ACAD10: variants seen among roughly 807,000 people sequenced by gnomAD.
ACAD10 encodes the protein acyl-CoA dehydrogenase family member 10, also known as ACAD-10.
Under a neutral mutation model 116.8 loss-of-function variants are expected in ACAD10, and 112 were observed. That is an observed-to-expected ratio of 0.96 (90% CI 0.82 to 1.12). The LOEUF (loss-of-function observed/expected upper bound fraction) is 1.12, where lower values mean the gene tolerates loss of function less well. ACAD10 is among the 50% of genes most tolerant of loss of function. The pLI is 0.00. For missense variants in ACAD10, 1,259 were observed against 1,350.2 expected (o/e 0.93, Z 1.06); for synonymous variants, 486 against 510.6 (o/e 0.95, Z 0.65).
chr12:111,756,439 C>T lies in ACAD10; in HGVS notation c.3146C>T (p.Thr1049Met), dbSNP rs149884150. ...ADGPDEVHRA[T>M]VAKLELKHRI ...GGCCCTGACGAGGTGCACCGGGCCA[C>T]GGTGGCCAAGCTAGAGCTGAAGCAC... Residue 1049 changes from threonine (T) to methionine (M), a missense_variant, in exon 21 of 21, where the codon ACG (threonine) becomes ATG (methionine). Coordinates refer to ENST00000313698, the MANE Select transcript of ACAD10 (RefSeq NM_025247.6). 201 of 1,612,664 alleles carry T rather than the reference C, an allele frequency of 1.2e-4. 1 individual carries two copies. In the African/African-American group the frequency reaches 1.5e-3, roughly 12 times the overall value.
At chr12:111,754,818 C>T (rs1890163875) in intron 19 of ACAD10, among the ~76,000 whole-genome samples, 1 of 152,242 alleles carries the variant, frequency 6.6e-6, no homozygotes, top group African/African-American at 2.4e-5. Flanking sequence ...CAGGACCCTC[C>T]CCTTATCCCT....
intron 17 of ACAD10, 103 bp downstream of exon 17, chr12:111,748,578 C>T (rs1889983588): frequency 1.9e-5 from 24 of 1,291,628 alleles, no homozygotes; most frequent in Non-Finnish European, 2.5e-5. Flanking sequence ...CATCCCACGT[C>T]TGAGGGTATG....
At chr12:111,688,796 C>T (rs1302679928) in intron 1 of ACAD10, among the ~76,000 whole-genome samples, 3 of 151,036 alleles carry the variant, frequency 2.0e-5, no homozygotes, top group Non-Finnish European at 4.4e-5. Context: ...AGCAAGACTC[C>T]GTCTCAAAAC....
chr12:111,692,230 A>G (rs1888068441), intron 1 of ACAD10, among the ~76,000 whole-genome samples: 1 of 152,312 alleles, frequency 6.6e-6, no homozygotes, highest in East Asian at 1.9e-4. Context: ...GGCCTCCCAT[A>G]GTGGTGGGAT....
rs552323479 is a variant in ACAD10 at position 111,750,396 on chromosome 12, C to T, written c.2817+1051C>T. ...CAGCCTCCCAATGTGCTGGGATTAC[C>T]GGCGTGAGCCACCGTGCCTGGCCAA... On this transcript the variant is annotated intron_variant, in intron 18 of 20. Transcript: ENST00000313698. Among the ~76,000 whole-genome samples the T allele has an allele frequency of 1.2e-4, 18 of 149,142 alleles. 1 individual carries two copies. In the East Asian group the frequency reaches 1.8e-3, roughly 15 times the overall value.
chr12:111,706,070 G>A, intron 4 of ACAD10, 138 bp downstream of exon 4: 1 of 865,968 alleles, frequency 1.2e-6, no homozygotes. Flanking sequence ...AGGTTTAAAT[G>A]CAATATGTTG....
intron 5 of ACAD10, 134 bp downstream of exon 5, chr12:111,709,818 G>C: frequency 9.5e-7 from 1 of 1,048,752 alleles, no homozygotes; most frequent in Non-Finnish European, 1.3e-6. Context: ...ATCTTATTTT[G>C]TGTTAATTAT....
Position 111,729,863 on chromosome 12 carries a change from C to G in ACAD10, c.1301C>G (p.Thr434Ser). The change falls in exon 10 of 21, where the codon ACT (threonine) becomes AGT (serine). Residue 434 changes from threonine (T) to serine (S), a missense_variant. Coordinates refer to ENST00000313698, the MANE Select transcript of ACAD10 (RefSeq NM_025247.6). ...GTTAAGCAGTATCGAGCTTCCGAAA[C>G]TAGCACCATCCCAGCCATGGAGAGG... Reference protein sequence around the residue: ...TWVKQYRASETSTIPAMERLI... With the variant: ...TWVKQYRASESSTIPAMERLI... 1 of 1,614,156 alleles carries G rather than the reference C, an allele frequency of 6.2e-7. No individual in the cohort carries two copies. Among genetic ancestry groups the G allele is most frequent in the Non-Finnish European group, 8.5e-7 (1 of 1,180,028 alleles).
At chr12:111,721,901 T>C (rs2135965919) in intron 8 of ACAD10, 162 bp downstream of exon 8, 1 of 484,208 alleles carries the variant, frequency 2.1e-6, no homozygotes, top group East Asian at 3.1e-5. Context: ...ATTTAAGTTA[T>C]CCTGCAAGAT....
intron 18 of ACAD10, chr12:111,753,252 C>A (rs1177023390): frequency 3.3e-6 from 1 of 300,336 alleles, no homozygotes; most frequent in Non-Finnish European, 6.6e-6. Context: ...TTAAAATCCC[C>A]CTTGCAGATA....
At chr12:111,718,848 T>C (rs1196343669) in intron 7 of ACAD10, among the ~76,000 whole-genome samples, 1 of 151,724 alleles carries the variant, frequency 6.6e-6, no homozygotes, top group Non-Finnish European at 1.5e-5. Context: ...CTCCCACTTG[T>C]AATCCCAGCA....
chr12:111,719,200 G>A (rs1888940767), intron 7 of ACAD10, among the ~76,000 whole-genome samples: 2 of 152,038 alleles, frequency 1.3e-5, no homozygotes, highest in Admixed American at 1.3e-4. Context: ...TATTATATGT[G>A]AATGAATTCT....
rs1301961630 is a variant in ACAD10, at chr12:111,755,690, T to C, written c.2984T>C (p.Met995Thr). The C allele has an allele frequency of 6.2e-7, 1 of 1,613,904 alleles. No individual in the cohort carries two copies. The change falls in exon 20 of 21, where the codon ATG (methionine) becomes ACG (threonine). Residue 995 changes from methionine to threonine, a missense_variant. Met to Thr is a moderately conservative substitution (Grantham distance 81). Transcript: ENST00000313698. ...GNKAAALDIAMIKMVAPSMAS... is the reference protein window; with the variant it reads ...GNKAAALDIATIKMVAPSMAS... ...CAGGCTGCAGCCTTGGATATAGCCA[T>C]GATTAAAATGGTCGCCCCGTCCATG...
At position 111,729,792 on chromosome 12, in the gene ACAD10, C is replaced by T. The variant is rs1312485426; in HGVS notation, c.1244-14C>T. 5.6e-6 allele frequency: 9 copies of T among 1,608,994 alleles called. No homozygotes were observed. Among genetic ancestry groups the T allele is most frequent in the Admixed American group, 5.1e-5 (3 of 59,248 alleles). On this transcript the variant is annotated splice_polypyrimidine_tract_variant and intron_variant, in intron 9 of 20. Transcript: ENST00000313698. ...CTGAAATTGCACACCAAGTTCTAAT[C>T]CTATTTCCCGCAGGGGACTATATTC...
chr12:111,754,829 TCA>T (rs1352146992), intron 19 of ACAD10, among the ~76,000 whole-genome samples: 1 of 152,206 alleles, frequency 6.6e-6, no homozygotes, highest in East Asian at 1.9e-4. Flanking sequence ...CCTTATCCCT[TCA>T]GTGTGTGCTG....
chr12:111,711,522 ATTTT>A (rs1176078999), intron 5 of ACAD10, among the ~76,000 whole-genome samples: 1 of 107,252 alleles, frequency 9.3e-6, no homozygotes, highest in Non-Finnish European at 1.9e-5. Flanking sequence ...CTGTGCTAAA[ATTTT>A]TTTTTTTTTT....
chr12:111,723,406 G>T (rs1305793750), intron 8 of ACAD10, among the ~76,000 whole-genome samples: 2 of 135,046 alleles, frequency 1.5e-5, no homozygotes, highest in African/African-American at 5.5e-5. Flanking sequence ...GGGGCGGCTG[G>T]CCGGGCGGGG....
intron 12 of ACAD10, among the ~76,000 whole-genome samples, chr12:111,739,956 G>A (rs1292813922): frequency 1.3e-5 from 2 of 152,244 alleles, no homozygotes; most frequent in East Asian, 3.9e-4. Context: ...GGTAATAATA[G>A]TATTGTGGGT....
rs1003205546 is a variant in ACAD10 at position 111,756,820 on chromosome 12, A to G, written c.*347A>G. The G allele has an allele frequency of 2.1e-5, 10 of 478,142 alleles. No individual in the cohort carries two copies. Among genetic ancestry groups the G allele is most frequent in the Non-Finnish European group, 4.1e-5 (10 of 242,046 alleles). The allele number at this position is 478,142 out of a possible 1,614,324, so 29.6% of individuals were successfully genotyped here. A position where few individuals can be genotyped will look rare whatever the true frequency, so the allele number is the denominator to read the frequency against. ...TCTCTCTCTGCCTGTGGGAATCTGG[A>G]CACATTTTGGGAGGCCTCCCAAGGC... On this transcript the variant is annotated 3_prime_UTR_variant, in exon 21 of 21. Coordinates refer to ENST00000313698, the MANE Select transcript of ACAD10 (RefSeq NM_025247.6).
Sources: gnomAD v4.1 joint callset for allele counts (sites outside exome capture counted in the v4.1 genomes callset) on GRCh38, gnomAD v4.1.1 for gene constraint, MANE v1.5 for transcripts, NCBI Gene and HGNC (gene_info 2026-07-23, HGNC 2026-07-21) for gene names.